PLCB1: variants seen among roughly 807,000 people sequenced by gnomAD.
PLCB1 encodes the protein phospholipase C beta 1, also known as 1-phosphatidylinositol 4,5-bisphosphate phosphodiesterase beta-1.
Under a neutral mutation model 161.8 loss-of-function variants are expected in PLCB1, and 46 were observed. The observed-to-expected ratio is 0.28, with a 90% CI of 0.22 to 0.36. The LOEUF is 0.36. Ranked by LOEUF, PLCB1 falls within the 10% of genes least tolerant of loss-of-function variation. The pLI, the probability that PLCB1 is intolerant of heterozygous loss-of-function variation, is 1.00. For synonymous variants in PLCB1, 517 were observed against 503.7 expected (o/e 1.03, Z -0.35); for missense variants, 1,016 against 1,472.5 (o/e 0.69, Z 5.07).
At chr20:8,814,507 T>C (rs1217743377) in intron 31 of PLCB1, among the ~76,000 whole-genome samples, 1 of 151,336 alleles carries the variant, frequency 6.6e-6, no homozygotes, top group African/African-American at 2.5e-5. Context: ...GTTCCATCTA[T>C]CCATCCATCC....
chr20:8,259,326 G>C (rs1287803009), intron 2 of PLCB1, among the ~76,000 whole-genome samples: 1 of 152,140 alleles, frequency 6.6e-6, no homozygotes, highest in Non-Finnish European at 1.5e-5. Context: ...GTTACTCTAA[G>C]TCTCTGCTGG....
intron 2 of PLCB1, among the ~76,000 whole-genome samples, chr20:8,364,316 A>T (rs1047647910): frequency 6.6e-6 from 1 of 152,200 alleles, no homozygotes; most frequent in Non-Finnish European, 1.5e-5. Context: ...TGCCAATAAC[A>T]TTGGGCCAAA....
intron 2 of PLCB1, among the ~76,000 whole-genome samples, chr20:8,171,249 A>T (rs1172374622): frequency 6.6e-6 from 1 of 152,194 alleles, no homozygotes; most frequent in Non-Finnish European, 1.5e-5. Flanking sequence ...AAATATATGT[A>T]ACATATATAC....
chr20:8,802,372 T>A, intron 31 of PLCB1: 1 of 511,716 alleles, frequency 2.0e-6, no homozygotes, highest in Admixed American at 4.0e-5. Flanking sequence ...AATTTCTCCA[T>A]CATTGTGCTC....
chr20:8,226,984 G>A lies in PLCB1; in HGVS notation c.177+76613G>A, dbSNP rs367931670. 3.9e-5 allele frequency among the ~76,000 whole-genome samples: 6 copies of A among 152,180 alleles called. No homozygotes were observed. The South Asian group carries it at 6.2e-4, about 16-fold the overall frequency. ...TTACAGGCATGAGCCACCGCGCCCG[G>A]CCAAGTAAAACCAATTTTTAAAATA... On this transcript the variant is annotated intron_variant, in intron 2 of 31. Transcript: ENST00000338037.
intron 3 of PLCB1, among the ~76,000 whole-genome samples, chr20:8,505,723 A>G (rs1212751702): frequency 1.3e-5 from 2 of 152,252 alleles, no homozygotes; most frequent in Non-Finnish European, 2.9e-5. Flanking sequence ...TTTAGCATTT[A>G]AAAGAGAGAA....
Position 8,881,968 on chromosome 20 carries a change from C to G in PLCB1, c.*119C>G. 1.5e-6 allele frequency: 1 copy of G among 682,590 alleles called. No homozygotes were observed. Among genetic ancestry groups the G allele is most frequent in the Non-Finnish European group, 2.5e-6 (1 of 398,354 alleles). 42.3% of individuals were successfully genotyped at this position (682,590 alleles called of 1,614,324 possible). ...GAGAAGCATCCCTTAGCCTAAAATCCACACCAAAGGGAGAGTTCCAGAGGA... is the reference window on the plus strand; with the variant it reads ...GAGAAGCATCCCTTAGCCTAAAATCGACACCAAAGGGAGAGTTCCAGAGGA... On this transcript the variant is annotated 3_prime_UTR_variant, in exon 32 of 32. Coordinates refer to ENST00000338037, the MANE Select transcript of PLCB1 (RefSeq NM_015192.4).
intron 9 of PLCB1, among the ~76,000 whole-genome samples, chr20:8,677,545 T>C (rs1568556942): frequency 6.6e-6 from 1 of 152,150 alleles, no homozygotes; most frequent in Non-Finnish European, 1.5e-5. Context: ...GCATAGGGGA[T>C]AGATAAACCT....
intron 2 of PLCB1, among the ~76,000 whole-genome samples, chr20:8,300,778 A>G (rs2123319472): frequency 6.6e-6 from 1 of 152,260 alleles, no homozygotes; most frequent in East Asian, 1.9e-4. Flanking sequence ...TGCCTGGTAC[A>G]TTGTTAAGTG....
chr20:8,694,918 CT>C (rs1203464101), intron 10 of PLCB1, among the ~76,000 whole-genome samples: 12 of 152,256 alleles, frequency 7.9e-5, no homozygotes, highest in African/African-American at 2.6e-4. Context: ...ATAGTAGCTC[CT>C]CTTTAAGTTT....
chr20:8,334,169 A>G (rs1985476633), intron 2 of PLCB1, among the ~76,000 whole-genome samples: 1 of 151,978 alleles, frequency 6.6e-6, no homozygotes. Flanking sequence ...CGATCGCGCC[A>G]TTGCACTCCA....
intron 3 of PLCB1, chr20:8,372,217 C>T (rs1370941937): frequency 6.6e-6 from 1 of 152,120 alleles, no homozygotes; most frequent in Non-Finnish European, 1.5e-5. Context: ...TTTAGGAGCT[C>T]AATGCGTCTT....
At chr20:8,632,898 A>G (rs996144615) in intron 4 of PLCB1, among the ~76,000 whole-genome samples, 6 of 152,124 alleles carry the variant, frequency 3.9e-5, no homozygotes, top group Non-Finnish European at 8.8e-5. Flanking sequence ...TGTGAGTGAG[A>G]TGGAAGCCCC....
At chr20:8,238,660 A>G (rs1980445933) in intron 2 of PLCB1, among the ~76,000 whole-genome samples, 1 of 151,996 alleles carries the variant, frequency 6.6e-6, no homozygotes, top group Non-Finnish European at 1.5e-5. Context: ...AAAAGAGGTC[A>G]GTTAATTGGT....
At chr20:8,771,661 G>A (rs6056091) in intron 26 of PLCB1, among the ~76,000 whole-genome samples, 49,832 of 151,554 alleles carry the variant, frequency 0.33, 8,276 homozygotes, top group Middle Eastern at 0.48. Flanking sequence ...TTTTTCTTGT[G>A]TTGTCCTTTA....
At chr20:8,166,060 C>T (rs1387255023) in intron 2 of PLCB1, among the ~76,000 whole-genome samples, 1 of 152,142 alleles carries the variant, frequency 6.6e-6, no homozygotes, top group Admixed American at 6.5e-5. Context: ...ATCTGTACAT[C>T]AATATTAAAC....
At chr20:8,155,954 G>A (rs1298246235) in intron 2 of PLCB1, among the ~76,000 whole-genome samples, 1 of 152,150 alleles carries the variant, frequency 6.6e-6, no homozygotes, top group Non-Finnish European at 1.5e-5. Flanking sequence ...AGTCATTGTT[G>A]ACTAAGCAGC....
intron 2 of PLCB1, among the ~76,000 whole-genome samples, chr20:8,312,006 A>G (rs895090400): frequency 4.3e-4 from 66 of 152,274 alleles, no homozygotes; most frequent in African/African-American, 1.6e-3. Flanking sequence ...CTCAACCTCT[A>G]AGTCCATGCT....
At chr20:8,278,853 C>A (rs118076556) in intron 2 of PLCB1, among the ~76,000 whole-genome samples, 1 of 152,012 alleles carries the variant, frequency 6.6e-6, no homozygotes, top group African/African-American at 2.4e-5. Flanking sequence ...AATATATTCT[C>A]CTCCACCCTA....
Sources: allele counts gnomAD v4.1 joint callset (sites outside exome capture counted in the v4.1 genomes callset), GRCh38; gene constraint gnomAD v4.1.1; transcripts MANE v1.5; gene names NCBI Gene and HGNC (gene_info 2026-07-23, HGNC 2026-07-21).